Variants in PRKCH observed in about 807,000 individuals in gnomAD.
PRKCH encodes the protein protein kinase C eta, also known as protein kinase C eta type.
Under a neutral mutation model 82.5 loss-of-function variants are expected in PRKCH, and 28 were observed. That is an observed-to-expected ratio of 0.34 (90% confidence interval 0.25 to 0.47). The LOEUF (loss-of-function observed/expected upper bound fraction) is 0.47, where lower values mean the gene tolerates loss of function less well. Ranked by LOEUF, PRKCH falls within the 20% of genes least tolerant of loss-of-function variation. The pLI is 1.00. For missense variants in PRKCH, 705 were observed against 881.8 expected (o/e 0.80, Z 2.54); for synonymous variants, 322 against 327.4 (o/e 0.98, Z 0.18).
intron 9 of PRKCH, among the ~76,000 whole-genome samples, chr14:61,471,649 G>A (rs980398094): frequency 1.1e-4 from 17 of 151,614 alleles, no homozygotes; most frequent in Non-Finnish European, 2.5e-4. Flanking sequence ...CTAGTGGCTG[G>A]TAAGCTTTCA....
intron 1 of PRKCH, among the ~76,000 whole-genome samples, chr14:61,276,521 G>T (rs2045203913): frequency 6.6e-6 from 1 of 151,780 alleles, no homozygotes; most frequent in Non-Finnish European, 1.5e-5. Flanking sequence ...ACACCTGGCT[G>T]ATTTTTGTAT....
At chr14:61,506,432 T>G (rs552637875) in intron 10 of PRKCH, among the ~76,000 whole-genome samples, 25 of 152,130 alleles carry the variant, frequency 1.6e-4, no homozygotes. Context: ...TCCTGGCCAG[T>G]CCAGGGATGG....
At position 61,322,347 on chromosome 14, in the gene PRKCH, C is replaced by A. The variant is rs200816439; in HGVS notation, c.246C>A (p.Leu82=). Residue 82 remains leucine (L), a synonymous_variant, in exon 1 of 14, where the codon CTC becomes CTA. Transcript: ENST00000332981. The part of the protein sequence containing the change: ...FCANVTDGGH[L]ELAVFHETPL... ...CTAACGTCACCGACGGCGGCCACCT[C>A]GAGTTGGCCGTCTTCCACGAGACGC... is the stretch of plus-strand genomic sequence containing the variant. 4.3e-5 allele frequency: 69 copies of A among 1,613,372 alleles called. No homozygotes were observed. In the African/African-American group the frequency reaches 9.1e-4, roughly 21 times the overall value.
At chr14:61,247,267 T>C (rs1451816530) in intron 1 of PRKCH, among the ~76,000 whole-genome samples, 2 of 144,370 alleles carry the variant, frequency 1.4e-5, no homozygotes, top group African/African-American at 2.5e-5. Context: ...GACATTAGAC[T>C]TTTTTTTTTT....
At chr14:61,202,423 A>G (rs114422990) in intron 1 of PRKCH, among the ~76,000 whole-genome samples, 3 of 152,232 alleles carry the variant, frequency 2.0e-5, no homozygotes, top group African/African-American at 7.2e-5. Flanking sequence ...AAAGTAGCTT[A>G]CAGAAATGGG....
intron 1 of PRKCH, among the ~76,000 whole-genome samples, chr14:61,384,062 A>G (rs1304469831): frequency 3.3e-5 from 5 of 152,242 alleles, no homozygotes; most frequent in South Asian, 4.1e-4. Context: ...GGGGTGTTCC[A>G]TGACTGCAGG....
intron 1 of PRKCH, chr14:61,353,939 A>C (rs991966049): frequency 6.6e-6 from 1 of 152,134 alleles, no homozygotes; most frequent in African/African-American, 2.4e-5. Context: ...CCTACCTCTG[A>C]AAAAATAATA....
intron 1 of PRKCH, among the ~76,000 whole-genome samples, chr14:61,226,320 C>T (rs1393406123): frequency 6.6e-6 from 1 of 152,154 alleles, no homozygotes; most frequent in East Asian, 1.9e-4. Context: ...TTATCCAGGA[C>T]CAAAATATAC....
chr14:61,262,621 T>C (rs2045059654), intron 1 of PRKCH, among the ~76,000 whole-genome samples: 1 of 152,180 alleles, frequency 6.6e-6, no homozygotes, highest in South Asian at 2.1e-4. Flanking sequence ...ATGGTTACGT[T>C]TGTGAATACA....
At chr14:61,311,498 A>G (rs925646591) in intron 1 of PRKCH, among the ~76,000 whole-genome samples, 6 of 152,190 alleles carry the variant, frequency 3.9e-5, no homozygotes, top group African/African-American at 1.4e-4. Flanking sequence ...GGAAACTCCA[A>G]ACTATCCCAT....
intron 1 of PRKCH, among the ~76,000 whole-genome samples, chr14:61,290,021 C>T (rs188502530): frequency 1.3e-5 from 2 of 152,174 alleles, no homozygotes; most frequent in Non-Finnish European, 2.9e-5. Context: ...TGTCCAGGCA[C>T]GGTGGCCCAT....
chr14:61,438,435 T>C (rs2140270621), intron 2 of PRKCH, among the ~76,000 whole-genome samples: 1 of 152,342 alleles, frequency 6.6e-6, no homozygotes, highest in African/African-American at 2.4e-5. Flanking sequence ...TCTGATTTAA[T>C]TTGCTTACAA....
intron 10 of PRKCH, among the ~76,000 whole-genome samples, chr14:61,514,210 A>G (rs1247858233): frequency 6.6e-6 from 1 of 151,776 alleles, no homozygotes; most frequent in African/African-American, 2.4e-5. Flanking sequence ...CCCTGTCTTA[A>G]TGACAGAAGC....
At chr14:61,371,038 A>G (rs1260145981) in intron 1 of PRKCH, among the ~76,000 whole-genome samples, 4 of 152,126 alleles carry the variant, frequency 2.6e-5, no homozygotes, top group Non-Finnish European at 4.4e-5. Context: ...CTTTTCATCT[A>G]TTTAGTGAAT....
chr14:61,457,737 G>A (rs1465166449), intron 9 of PRKCH, 58 bp downstream of exon 9: 11 of 1,581,030 alleles, frequency 7.0e-6, no homozygotes, highest in Non-Finnish European at 9.5e-6. Flanking sequence ...AGCTGAGACA[G>A]TAAGATACTG....
At chr14:61,253,613 C>T (rs1189270179) in intron 1 of PRKCH, among the ~76,000 whole-genome samples, 1 of 152,162 alleles carries the variant, frequency 6.6e-6, no homozygotes, top group African/African-American at 2.4e-5. Context: ...TTTGCAGTGT[C>T]CTCTTTACAC....
intron 1 of PRKCH, among the ~76,000 whole-genome samples, chr14:61,216,695 C>T (rs769369145): frequency 5.9e-5 from 9 of 152,070 alleles, no homozygotes; most frequent in South Asian, 2.1e-4. Flanking sequence ...GCTGGGCTGC[C>T]GAAGGGCTGG....
intron 1 of PRKCH, among the ~76,000 whole-genome samples, chr14:61,275,641 C>T (rs1366684575): frequency 1.3e-5 from 2 of 152,184 alleles, no homozygotes; most frequent in Non-Finnish European, 2.9e-5. Context: ...TCTCAAAGCC[C>T]TTGTCATCAA....
upstream of PRKCH, among the ~76,000 whole-genome samples, chr14:61,318,096 C>T (rs1280742193): frequency 1.3e-5 from 2 of 151,556 alleles, no homozygotes; most frequent in Non-Finnish European, 2.9e-5. Context: ...TTTTTTGAGA[C>T]AGGATCTCAC....
Sources: allele counts gnomAD v4.1 joint callset (sites outside exome capture counted in the v4.1 genomes callset), GRCh38; gene constraint gnomAD v4.1.1; transcripts MANE v1.5; gene names NCBI Gene and HGNC (gene_info 2026-07-23, HGNC 2026-07-21).